Variants in ERG observed in about 807,000 individuals in gnomAD.
ERG encodes ETS transcription factor ERG, also known as transcriptional regulator ERG.
ERG carries 9 observed loss-of-function variants against 55.3 expected under a neutral mutation model. That is an observed-to-expected ratio of 0.16 (90% CI 0.10 to 0.28). The LOEUF (loss-of-function observed/expected upper bound fraction) is 0.28, where lower values mean the gene tolerates loss of function less well. ERG is among the 10% of genes least tolerant of loss of function. The probability of loss-of-function intolerance (pLI) is 1.00; values close to 1 mark genes in which losing one functional copy is unlikely to be tolerated. For synonymous variants in ERG, 223 were observed against 237.3 expected (o/e 0.94, Z 0.55); for missense variants, 434 against 631.6 (o/e 0.69, Z 3.35).
At chr21:38,646,054 G>A (rs1185322879) in intron 1 of ERG, among the ~76,000 whole-genome samples, 5 of 152,112 alleles carry the variant, frequency 3.3e-5, no homozygotes, top group Non-Finnish European at 7.4e-5. Flanking sequence ...CAAGGAGGGC[G>A]GATCACTTGA....
chr21:38,454,331 G>GC (rs1157893173), intron 1 of ERG, among the ~76,000 whole-genome samples: 1 of 152,168 alleles, frequency 6.6e-6, no homozygotes, highest in African/African-American at 2.4e-5. Context: ...GCTGGGCTCT[G>GC]CCCTTGCTCT....
chr21:38,499,341 G>A (rs2059403924), upstream of ERG, among the ~76,000 whole-genome samples: 1 of 152,156 alleles, frequency 6.6e-6, no homozygotes. Flanking sequence ...ATAAGTTCAG[G>A]GTCACAGGTC....
intron 2 of ERG, among the ~76,000 whole-genome samples, chr21:38,513,941 AG>A (rs1446634715): frequency 1.3e-5 from 2 of 152,092 alleles, no homozygotes; most frequent in African/African-American, 4.8e-5. Context: ...AACAATAAAA[AG>A]GGGGCTATTA....
intron 1 of ERG, among the ~76,000 whole-genome samples, chr21:38,611,669 T>G (rs926404525): frequency 2.6e-5 from 4 of 152,198 alleles, no homozygotes. Flanking sequence ...CTCTGCCTCA[T>G]TTTTCTCTCC....
intron 2 of ERG, among the ~76,000 whole-genome samples, chr21:38,523,009 T>C (rs2059605735): frequency 1.3e-5 from 2 of 152,210 alleles, no homozygotes; most frequent in Admixed American, 1.3e-4. Flanking sequence ...CTAGGGTAGT[T>C]ACTTCTCAAA....
chr21:38,394,499 C>T (rs9983914), intron 6 of ERG, among the ~76,000 whole-genome samples: 38,651 of 151,838 alleles, frequency 0.25, 5,654 homozygotes, highest in South Asian at 0.36. Flanking sequence ...ACTACAGGTG[C>T]CTGCCACCAT....
chr21:38,571,408 G>A (rs1165183751), intron 2 of ERG, among the ~76,000 whole-genome samples: 1 of 151,988 alleles, frequency 6.6e-6, no homozygotes, highest in African/African-American at 2.4e-5. Context: ...CTACTCAGGA[G>A]GTTGAGGCAG....
At chr21:38,502,113 C>T (rs1163516602), upstream of ERG, among the ~76,000 whole-genome samples, 1 of 152,194 alleles carries the variant, frequency 6.6e-6, no homozygotes, top group Non-Finnish European at 1.5e-5. Context: ...TCCGTCTGAA[C>T]CTCCACATCT....
intron 2 of ERG, among the ~76,000 whole-genome samples, chr21:38,544,911 T>G (rs950447488): frequency 6.6e-6 from 1 of 152,118 alleles, no homozygotes; most frequent in Non-Finnish European, 1.5e-5. Context: ...GTCAGCTCAC[T>G]GTGCTCTGAC....
intron 1 of ERG, among the ~76,000 whole-genome samples, chr21:38,495,566 T>G (rs1428303548): frequency 6.6e-6 from 1 of 152,200 alleles, no homozygotes; most frequent in Non-Finnish European, 1.5e-5. Context: ...ATTAAGTATC[T>G]TTCTAGGATC....
At chr21:38,436,567 G>A (rs2058792213) in intron 2 of ERG, among the ~76,000 whole-genome samples, 1 of 152,114 alleles carries the variant, frequency 6.6e-6, no homozygotes, top group Admixed American at 6.5e-5. Context: ...ACTTTCACTT[G>A]AGCAAGTGAC....
intron 1 of ERG, among the ~76,000 whole-genome samples, chr21:38,621,584 G>A (rs2060290546): frequency 6.6e-6 from 1 of 152,210 alleles, no homozygotes; most frequent in Non-Finnish European, 1.5e-5. Flanking sequence ...AGTCCTCTGA[G>A]TGACAAACAA....
chr21:38,495,019 G>A (rs970442714), intron 1 of ERG, among the ~76,000 whole-genome samples: 1 of 152,248 alleles, frequency 6.6e-6, no homozygotes, highest in African/African-American at 2.4e-5. Context: ...TTTGCCCCTG[G>A]CCTTCCTTCC....
At chr21:38,445,787 C>T (rs772269309) in intron 1 of ERG, among the ~76,000 whole-genome samples, 166 bp from the exon 2 acceptor site, 11 of 151,940 alleles carry the variant, frequency 7.2e-5, no homozygotes, top group South Asian at 2.1e-4. Context: ...TTTCTTTCCT[C>T]GGGACAGTAA....
In ERG at chr21:38,610,056, G is replaced by T. The variant is rs184268164; in HGVS notation, c.-149-25111C>A. On this transcript the variant is annotated intron_variant, in intron 1 of 10. Coordinates refer to the ERG transcript ENST00000398910. Reference sequence around the variant, plus strand: ...GCACCTGGCTGGTGCCTTTAGAGTGGCGAGAGATGAGAGGCCACAAGGGAA... The same window carrying T: ...GCACCTGGCTGGTGCCTTTAGAGTGTCGAGAGATGAGAGGCCACAAGGGAA... 2.1e-3 allele frequency among the ~76,000 whole-genome samples: 321 copies of T among 152,340 alleles called. 2 individuals are homozygous for T. The highest frequency in any genetic ancestry group is 3.6e-3 in the Non-Finnish European group (245 of 68,040).
chr21:38,367,663 TG>T, the ERG span: 2 of 510,906 alleles, frequency 3.9e-6, no homozygotes, highest in African/African-American at 3.8e-5. Flanking sequence ...ACAAAAAGGG[TG>T]GGGAAATTAA....
intron 1 of ERG, among the ~76,000 whole-genome samples, chr21:38,487,100 C>T (rs1444988113): frequency 7.0e-6 from 1 of 142,180 alleles, no homozygotes; most frequent in Non-Finnish European, 1.5e-5. Context: ...TAAATCGTAA[C>T]AAGTTCAGCC....
At chr21:38,561,587 T>C (rs1055598874) in intron 2 of ERG, among the ~76,000 whole-genome samples, 4 of 152,068 alleles carry the variant, frequency 2.6e-5, no homozygotes, top group African/African-American at 9.7e-5. Context: ...TTAATGACAA[T>C]TAAATGTAAA....
chr21:38,521,033 A>T (rs983070232), intron 2 of ERG, among the ~76,000 whole-genome samples: 3 of 152,156 alleles, frequency 2.0e-5, no homozygotes, highest in Non-Finnish European at 2.9e-5. Context: ...GAAGTGAGAT[A>T]ACAAATAAAA....
Sources: allele counts gnomAD v4.1 joint callset (sites outside exome capture counted in the v4.1 genomes callset), GRCh38; gene constraint gnomAD v4.1.1; transcripts MANE v1.5; gene names NCBI Gene and HGNC (gene_info 2026-07-23, HGNC 2026-07-21).